Variants in PHLPP1 observed in about 807,000 individuals in gnomAD.
The protein encoded by PHLPP1 is PH domain and leucine rich repeat protein phosphatase 1.
PHLPP1 carries 42 observed loss-of-function variants against 117.2 expected under a neutral mutation model. That is an observed-to-expected ratio of 0.36 (90% CI 0.28 to 0.46). The LOEUF is 0.46. PHLPP1 is among the 20% of genes least tolerant of loss of function. PHLPP1 has a pLI of 1.00. For missense variants in PHLPP1, 2,084 were observed against 2,241.9 expected, an observed-to-expected ratio of 0.93 and a Z score of 1.42; for synonymous variants, 1,042 against 970.7, an observed-to-expected ratio of 1.07 and a Z score of -1.37.
At chr18:62,893,537 A>G (rs566830114) in intron 4 of PHLPP1, among the ~76,000 whole-genome samples, 1 of 152,368 alleles carries the variant, frequency 6.6e-6, no homozygotes, top group Admixed American at 6.5e-5. Context: ...CCTGTCAAAT[A>G]GGTACATGGT....
chr18:62,915,542 T>G (rs1909244189), intron 9 of PHLPP1, among the ~76,000 whole-genome samples: 2 of 152,212 alleles, frequency 1.3e-5, no homozygotes, highest in Non-Finnish European at 2.9e-5. Flanking sequence ...TATGTTCTTA[T>G]TTTTATTTTA....
At chr18:62,867,083 C>G (rs1281754421) in intron 4 of PHLPP1, among the ~76,000 whole-genome samples, 1 of 152,034 alleles carries the variant, frequency 6.6e-6, no homozygotes, top group Non-Finnish European at 1.5e-5. Flanking sequence ...CAAAGTAACA[C>G]CCTATATAGA....
intron 12 of PHLPP1, among the ~76,000 whole-genome samples, chr18:62,953,728 G>A (rs1910531489): frequency 6.6e-6 from 1 of 152,196 alleles, no homozygotes; most frequent in South Asian, 2.1e-4. Context: ...AGTCAGTAGG[G>A]AAATATGTTA....
At chr18:62,776,257 T>C (rs146964298) in intron 1 of PHLPP1, among the ~76,000 whole-genome samples, 41 of 152,160 alleles carry the variant, frequency 2.7e-4, no homozygotes, top group Non-Finnish European at 5.4e-4. Context: ...TGTTGTAATT[T>C]TGAGTCTAAA....
At chr18:62,737,005 A>G (rs187596594) in intron 1 of PHLPP1, among the ~76,000 whole-genome samples, 276 of 152,320 alleles carry the variant, frequency 1.8e-3, no homozygotes, top group African/African-American at 6.5e-3. Context: ...TGTCTTTTGA[A>G]TGTTGAGTTT....
chr18:62,806,428 A>G (rs757054424), intron 1 of PHLPP1, among the ~76,000 whole-genome samples: 14 of 152,310 alleles, frequency 9.2e-5, no homozygotes, highest in African/African-American at 2.9e-4. Context: ...CTTCAAAGGC[A>G]TAAGGCATAA....
chr18:62,781,248 A>G (rs1913111232), intron 1 of PHLPP1, among the ~76,000 whole-genome samples: 1 of 152,206 alleles, frequency 6.6e-6, no homozygotes, highest in African/African-American at 2.4e-5. Flanking sequence ...TCAATAATTG[A>G]TGGTCTTAGA....
intron 2 of PHLPP1, among the ~76,000 whole-genome samples, chr18:62,836,636 T>A (rs1914912222): frequency 6.6e-6 from 1 of 151,904 alleles, no homozygotes; most frequent in Non-Finnish European, 1.5e-5. Flanking sequence ...TCCTTCATTT[T>A]TTTGTTTGCT....
intron 1 of PHLPP1, among the ~76,000 whole-genome samples, chr18:62,784,703 C>T (rs1397745682): frequency 6.6e-6 from 1 of 152,304 alleles, no homozygotes; most frequent in East Asian, 1.9e-4. Flanking sequence ...TTCATTTAGT[C>T]CTAATTGAAC....
chr18:62,839,092 A>T lies in PHLPP1; in HGVS notation c.1899+183A>T, dbSNP rs1914988375. On this transcript the variant is annotated intron_variant, in intron 3 of 16. Transcript: ENST00000262719. ...AATTTTGCCTGAAAAGTGGCTTTTT[A>T]AAAATTGTTTTTTACTTGCCCAGTT... The T allele has an allele frequency of 6.7e-6, 4 of 598,718 alleles. No homozygotes were observed. In the African/African-American group the frequency reaches 7.4e-5, roughly 11 times the overall value. 37.1% of individuals were successfully genotyped at this position (598,718 alleles called of 1,614,324 possible). A position where few individuals can be genotyped will look rare whatever the true frequency, so the allele number is the denominator to read the frequency against.
chr18:62,739,694 T>TGAAG (rs1911468000), intron 1 of PHLPP1, among the ~76,000 whole-genome samples: 1 of 152,130 alleles, frequency 6.6e-6, no homozygotes, highest in Non-Finnish European at 1.5e-5. Context: ...GGAGCATCCA[T>TGAAG]GAAGGAGTTA....
At chr18:62,834,180 C>CT (rs1430450999) in intron 2 of PHLPP1, among the ~76,000 whole-genome samples, 1 of 152,068 alleles carries the variant, frequency 6.6e-6, no homozygotes, top group Non-Finnish European at 1.5e-5. Context: ...TTATACTTCC[C>CT]TTTGTTGTTT....
intron 1 of PHLPP1, among the ~76,000 whole-genome samples, chr18:62,728,974 G>C (rs1283076249): frequency 6.6e-6 from 1 of 152,030 alleles, no homozygotes; most frequent in African/African-American, 2.4e-5. Flanking sequence ...ATTTGAAATA[G>C]CTCTAACTTG....
chr18:62,800,997 TTCCTTGCTTCCTTCCCTCCCTCCCTCCC>T (rs1486065344), intron 1 of PHLPP1, among the ~76,000 whole-genome samples: 1 of 144,020 alleles, frequency 6.9e-6, no homozygotes, highest in Non-Finnish European at 1.5e-5. Context: ...AATTCCTTCC[TTCCTTGCTTCCTTCCCTCCCTCCCTCCC>T]TCCCTCCCTC....
At chr18:62,825,662 C>T (rs1035126376) in intron 1 of PHLPP1, among the ~76,000 whole-genome samples, 3 of 151,922 alleles carry the variant, frequency 2.0e-5, no homozygotes, top group African/African-American at 4.8e-5. Context: ...CTATGTTGCT[C>T]AGGCTGGTCT....
intron 12 of PHLPP1, among the ~76,000 whole-genome samples, chr18:62,950,699 T>A (rs1037837676): frequency 2.0e-5 from 3 of 152,162 alleles, no homozygotes; most frequent in African/African-American, 7.2e-5. Flanking sequence ...ATAATGCATA[T>A]CCAAAACCTG....
At chr18:62,746,626 G>C (rs930534394) in intron 1 of PHLPP1, among the ~76,000 whole-genome samples, 3 of 151,618 alleles carry the variant, frequency 2.0e-5, no homozygotes, top group Non-Finnish European at 4.4e-5. Context: ...AAGAACACCT[G>C]TGTAACTATC....
chr18:62,897,795 C>T (rs1568154326), intron 6 of PHLPP1, among the ~76,000 whole-genome samples: 1 of 152,156 alleles, frequency 6.6e-6, no homozygotes, highest in Non-Finnish European at 1.5e-5. Flanking sequence ...ACATGAGCCA[C>T]CACACCCAGC....
chr18:62,879,321 G>A (rs974387777), intron 4 of PHLPP1, among the ~76,000 whole-genome samples: 1 of 152,148 alleles, frequency 6.6e-6, no homozygotes, highest in Non-Finnish European at 1.5e-5. Context: ...ACAGATGCCA[G>A]CATCTTGAAA....
Sources: gnomAD v4.1 joint callset for allele counts (sites outside exome capture counted in the v4.1 genomes callset) on GRCh38, gnomAD v4.1.1 for gene constraint, MANE v1.5 for transcripts, NCBI Gene and HGNC (gene_info 2026-07-23, HGNC 2026-07-21) for gene names.